The following ZNF578 variants were observed in gnomAD, a reference collection of about 807,000 sequenced individuals.
The protein encoded by ZNF578 is zinc finger protein 578.
ZNF578 carries 8 observed loss-of-function variants against 8.3 expected under a neutral mutation model. The ratio of observed to expected loss-of-function variants is 0.96; its 90% confidence interval spans 0.56 to 1.74. ZNF578 has a LOEUF of 1.74. Among genes scored for constraint, ZNF578 ranks in the 40% most tolerant of loss-of-function variants. The probability of loss-of-function intolerance (pLI) is 0.00; values close to 1 mark genes in which losing one functional copy is unlikely to be tolerated. For synonymous variants in ZNF578, 206 were observed against 232.2 expected (o/e 0.89, Z 1.03); for missense variants, 726 against 707.5 (o/e 1.03, Z -0.30).
chr19:52,499,660 AGAGT>A (rs1346918955), intron 3 of ZNF578, among the ~76,000 whole-genome samples: 6 of 151,488 alleles, frequency 4.0e-5, no homozygotes, highest in Admixed American at 2.6e-4. Context: ...ATATGTGAAA[AGAGT>A]GAGAAGATAC....
chr19:52,488,287 G>T (rs1365452210), intron 2 of ZNF578, among the ~76,000 whole-genome samples: 1 of 151,936 alleles, frequency 6.6e-6, no homozygotes, highest in East Asian at 2.0e-4. Flanking sequence ...GGCTGCGGTG[G>T]CTCACACCTG....
intron 3 of ZNF578, among the ~76,000 whole-genome samples, chr19:52,499,740 C>T (rs1167295694): frequency 1.4e-5 from 2 of 146,430 alleles, no homozygotes; most frequent in African/African-American, 5.1e-5. Flanking sequence ...GGCTGGAGTG[C>T]AATGCCATGA....
rs917533193 is a variant in ZNF578 at position 52,504,849 on chromosome 19, A to G, written c.190+68A>G. On this transcript the variant is annotated intron_variant, in intron 5 of 5. Transcript: ENST00000421239. ...CTGTCTTGGCTCTTCCTGGTTTTGT[A>G]TTCTCTTTTGTGATTTTGCCCCATA... 13 of 1,594,170 alleles carry G rather than the reference A, an allele frequency of 8.2e-6. No homozygotes were observed. In the African/African-American group the frequency reaches 1.4e-4, roughly 17 times the overall value.
At chr19:52,474,680 G>C (rs974024505) in intron 2 of ZNF578, 10 of 285,242 alleles carry the variant, frequency 3.5e-5, no homozygotes, top group Non-Finnish European at 5.8e-5. Flanking sequence ...TGATTGATAA[G>C]GGATAACTCA....
At position 52,513,083 on chromosome 19, in the gene ZNF578, C is replaced by T. The variant is rs118148444; in HGVS notation, c.*929C>T. On this transcript the variant is annotated 3_prime_UTR_variant, in exon 6 of 6. Coordinates refer to ENST00000421239, the MANE Select transcript of ZNF578 (RefSeq NM_001099694.2). Reference sequence around the variant, plus strand: ...CTGCCCAGGCTAGAGTGCAATGGTGCGATCTTGACTCACAGCAACCTCCGC... The same window carrying T: ...CTGCCCAGGCTAGAGTGCAATGGTGTGATCTTGACTCACAGCAACCTCCGC... Among the ~76,000 whole-genome samples, 171 of 152,178 alleles carry T rather than the reference C, an allele frequency of 1.1e-3. 2 individuals are homozygous for T. In the East Asian group the frequency reaches 0.026, roughly 24 times the overall value.
chr19:52,470,348 A>G (rs114294880), intron 2 of ZNF578, among the ~76,000 whole-genome samples: 2,136 of 152,132 alleles, frequency 0.014, 51 homozygotes, highest in African/African-American at 0.048. Context: ...GGTGCGCTGC[A>G]CTCCAAAAGA....
At chr19:52,490,196 C>A (rs555594713) in intron 2 of ZNF578, among the ~76,000 whole-genome samples, 2 of 152,150 alleles carry the variant, frequency 1.3e-5, no homozygotes, top group East Asian at 3.8e-4. Context: ...TAACTAAGGG[C>A]AATACATATA....
chr19:52,480,703 G>A (rs8182531), intron 2 of ZNF578, among the ~76,000 whole-genome samples: 3 of 151,354 alleles, frequency 2.0e-5, no homozygotes, highest in African/African-American at 4.9e-5. Flanking sequence ...CAAGACGAGC[G>A]TGGCCAAGAT....
intron 3 of ZNF578, among the ~76,000 whole-genome samples, chr19:52,497,516 C>T (rs183188909): frequency 2.4e-4 from 36 of 152,258 alleles, no homozygotes; most frequent in Middle Eastern, 3.4e-3. Flanking sequence ...TCACCATGCC[C>T]GGCCTTATTG....
chr19:52,506,476 TTTTTTTTTTA>T (rs2059426149), intron 5 of ZNF578, among the ~76,000 whole-genome samples: 2 of 143,072 alleles, frequency 1.4e-5, no homozygotes, highest in African/African-American at 5.6e-5. Context: ...TTTTTTTTTT[TTTTTTTTTTA>T]AGATGGAGTA....
chr19:52,483,018 G>A (rs140482577), intron 2 of ZNF578, among the ~76,000 whole-genome samples: 235 of 152,106 alleles, frequency 1.5e-3, no homozygotes, highest in African/African-American at 5.4e-3. Context: ...GCTGAGGCAG[G>A]AGAATCATGC....
intron 3 of ZNF578, among the ~76,000 whole-genome samples, chr19:52,493,560 GGT>G (rs900824681): frequency 5.9e-5 from 9 of 152,118 alleles, no homozygotes; most frequent in African/African-American, 2.2e-4. Flanking sequence ...GGGGATCTGG[GGT>G]GCTAGAGAGT....
At chr19:52,498,866 T>TG (rs1260372531) in intron 3 of ZNF578, among the ~76,000 whole-genome samples, 1 of 152,004 alleles carries the variant, frequency 6.6e-6, no homozygotes, top group Non-Finnish European at 1.5e-5. Flanking sequence ...GTATTTTTGT[T>TG]AGAGATGGGG....
chr19:52,496,067 T>C (rs956171894), intron 3 of ZNF578, among the ~76,000 whole-genome samples: 1 of 152,168 alleles, frequency 6.6e-6, no homozygotes, highest in African/African-American at 2.4e-5. Flanking sequence ...TCACGCAGGC[T>C]GGAGTGGAGT....
At position 52,504,793 on chromosome 19, in the gene ZNF578, G is replaced by A. The variant is rs2059419604; in HGVS notation, c.190+12G>A. 2 of 1,613,922 alleles carry A rather than the reference G, an allele frequency of 1.2e-6. No homozygotes were observed. Among genetic ancestry groups the A allele is most frequent in the Non-Finnish European group, 1.7e-6 (2 of 1,179,984 alleles). On this transcript the variant is annotated intron_variant, in intron 5 of 5. Transcript: ENST00000421239. ...CCTGGAGGCTGTGGGTGAGGAAAATGTCCCTGCAGACATGAGGAGTCTGCT... is the reference window on the plus strand; with the variant it reads ...CCTGGAGGCTGTGGGTGAGGAAAATATCCCTGCAGACATGAGGAGTCTGCT...
At chr19:52,462,788 T>G (rs1479166773) in intron 2 of ZNF578, among the ~76,000 whole-genome samples, 1 of 152,182 alleles carries the variant, frequency 6.6e-6, no homozygotes, top group African/African-American at 2.4e-5. Context: ...GGAATTTTGC[T>G]CATGGTAGAG....
intron 2 of ZNF578, among the ~76,000 whole-genome samples, chr19:52,479,499 C>T (rs2059318592): frequency 7.0e-6 from 1 of 142,482 alleles, no homozygotes; most frequent in African/African-American, 2.6e-5. Context: ...TGTGCCATTG[C>T]ACTCCAGCCT....
rs2059471110 is a variant in ZNF578, at chr19:52,515,593, T to C, written c.*3439T>C. On this transcript the variant is annotated 3_prime_UTR_variant, in exon 6 of 6. Coordinates refer to ENST00000421239, the MANE Select transcript of ZNF578 (RefSeq NM_001099694.2). ...CATCTCAGACCTTCTCAGGGTAACT[T>C]GGTGAAAATGTCTTCCGATCTGAGC... Among the ~76,000 whole-genome samples, 1 of 152,030 alleles carries C rather than the reference T, an allele frequency of 6.6e-6. No individual in the cohort carries two copies. The highest frequency in any genetic ancestry group is 6.6e-5 in the Admixed American group (1 of 15,258).
chr19:52,511,038 A>G lies in ZNF578; in HGVS notation c.657A>G (p.Thr219=), dbSNP rs1464269279. The change falls in exon 6 of 6, where the codon ACA becomes ACG. Residue 219 remains threonine, a synonymous_variant. Coordinates refer to ENST00000421239, the MANE Select transcript of ZNF578 (RefSeq NM_001099694.2). ...ATTTTTTCCATTCATCATTACTCACACAAAAACAGGAAGTACACATGAGAG... is the reference window on the plus strand; with the variant it reads ...ATTTTTTCCATTCATCATTACTCACGCAAAAACAGGAAGTACACATGAGAG... ...GNNFFHSSLL[T]QKQEVHMREK... 3.0e-5 allele frequency: 48 copies of G among 1,614,104 alleles called. No individual in the cohort carries two copies. The highest frequency in any genetic ancestry group is 3.8e-5 in the Non-Finnish European group (45 of 1,180,042).
Sources: allele counts gnomAD v4.1 joint callset (sites outside exome capture counted in the v4.1 genomes callset), GRCh38; gene constraint gnomAD v4.1.1; transcripts MANE v1.5; gene names NCBI Gene and HGNC (gene_info 2026-07-23, HGNC 2026-07-21).